CNTNAP5: variants seen among roughly 807,000 people sequenced by gnomAD.
The protein encoded by CNTNAP5 is contactin associated protein family member 5, also known as contactin-associated protein-like 5.
A neutral mutation model predicts 150.2 loss-of-function variants in CNTNAP5; 72 were observed. That is an observed-to-expected ratio of 0.48 (90% CI 0.40 to 0.58). The LOEUF (loss-of-function observed/expected upper bound fraction) is 0.58. Ranked by LOEUF, CNTNAP5 falls within the 20% of genes least tolerant of loss-of-function variation. The pLI, the probability that CNTNAP5 is intolerant of heterozygous loss-of-function variation, is 0.00. For missense variants in CNTNAP5, 1,636 were observed against 1,626.2 expected (o/e 1.01, Z -0.10); for synonymous variants, 672 against 619.8 (o/e 1.08, Z -1.25).
intron 8 of CNTNAP5, 110 bp downstream of exon 8, chr2:124,504,666 A>G (rs1387209665): frequency 9.8e-7 from 1 of 1,020,146 alleles, no homozygotes; most frequent in Non-Finnish European, 1.4e-6. Flanking sequence ...GGGTTAGCCC[A>G]GTATTCACAA....
chr2:124,515,434 G>A (rs1300260297), intron 8 of CNTNAP5, among the ~76,000 whole-genome samples: 1 of 152,222 alleles, frequency 6.6e-6, no homozygotes, highest in Non-Finnish European at 1.5e-5. Context: ...GACAGTGGAT[G>A]CTATAGGAAT....
intron 8 of CNTNAP5, among the ~76,000 whole-genome samples, chr2:124,509,839 T>C (rs1694515685): frequency 6.6e-6 from 1 of 152,218 alleles, no homozygotes; most frequent in Non-Finnish European, 1.5e-5. Flanking sequence ...GGTGGTCTTA[T>C]ACAAGAATAA....
intron 1 of CNTNAP5, among the ~76,000 whole-genome samples, chr2:124,213,585 A>G (rs913289226): frequency 3.9e-5 from 6 of 152,188 alleles, no homozygotes; most frequent in African/African-American, 1.4e-4. Flanking sequence ...AGCTCATTAT[A>G]TTTGTCACAT....
At chr2:124,280,193 T>C (rs1161105330) in intron 3 of CNTNAP5, among the ~76,000 whole-genome samples, 1 of 151,856 alleles carries the variant, frequency 6.6e-6, no homozygotes, top group African/African-American at 2.4e-5. Flanking sequence ...TTTTTTTTTA[T>C]TTTTGAGACA....
At chr2:124,368,902 T>C (rs1690446114) in intron 3 of CNTNAP5, among the ~76,000 whole-genome samples, 2 of 152,212 alleles carry the variant, frequency 1.3e-5, no homozygotes, top group Admixed American at 1.3e-4. Context: ...GCTAAGTGGC[T>C]GGGAACTCAA....
intron 3 of CNTNAP5, among the ~76,000 whole-genome samples, chr2:124,336,014 C>T (rs553981513): frequency 2.0e-5 from 3 of 152,088 alleles, no homozygotes; most frequent in African/African-American, 7.2e-5. Flanking sequence ...GTGGCTGAAG[C>T]TTAAATAACT....
chr2:124,242,509 C>A, intron 3 of CNTNAP5, 116 bp downstream of exon 3: 1 of 984,958 alleles, frequency 1.0e-6, no homozygotes. Flanking sequence ...CTGGTGAGTG[C>A]CCATTAGAAA....
chr2:124,099,940 A>G (rs1171360544), intron 1 of CNTNAP5, among the ~76,000 whole-genome samples: 1 of 152,198 alleles, frequency 6.6e-6, no homozygotes, highest in African/African-American at 2.4e-5. Context: ...CACTTCCAAC[A>G]CTGGAGATGA....
At chr2:124,419,801 T>C (rs937841764) in intron 4 of CNTNAP5, among the ~76,000 whole-genome samples, 1 of 152,042 alleles carries the variant, frequency 6.6e-6, no homozygotes, top group African/African-American at 2.4e-5. Context: ...AACGAATACA[T>C]TTCTCAGTTT....
At chr2:124,491,354 T>C in intron 7 of CNTNAP5, among the ~76,000 whole-genome samples, 1 of 152,156 alleles carries the variant, frequency 6.6e-6, no homozygotes, top group Non-Finnish European at 1.5e-5. Flanking sequence ...TTATTCATGT[T>C]GCCACAAATA....
intron 16 of CNTNAP5, among the ~76,000 whole-genome samples, chr2:124,767,387 T>A (rs540294275): frequency 6.6e-6 from 1 of 152,312 alleles, no homozygotes; most frequent in South Asian, 2.1e-4. Context: ...CAAGTCTTAG[T>A]GAATGTGTTT....
chr2:124,079,014 G>T (rs1415640339), intron 1 of CNTNAP5, among the ~76,000 whole-genome samples: 1 of 152,148 alleles, frequency 6.6e-6, no homozygotes, highest in Admixed American at 6.5e-5. Context: ...GCATGGTGTT[G>T]GATCTAGCAA....
intron 1 of CNTNAP5, among the ~76,000 whole-genome samples, chr2:124,075,238 A>G (rs1682410437): frequency 6.6e-6 from 1 of 152,098 alleles, no homozygotes; most frequent in Admixed American, 6.6e-5. Flanking sequence ...CCTTTTTGTC[A>G]TACAACTTAC....
At chr2:124,708,234 A>G (rs79505699) in intron 13 of CNTNAP5, among the ~76,000 whole-genome samples, 6,333 of 152,248 alleles carry the variant, frequency 0.042, 478 homozygotes, top group African/African-American at 0.15. Context: ...GTCAGTAGGA[A>G]TGGAGGTATC....
intron 8 of CNTNAP5, among the ~76,000 whole-genome samples, chr2:124,506,303 A>G (rs559029719): frequency 9.1e-4 from 138 of 152,244 alleles, no homozygotes; most frequent in African/African-American, 3.3e-3. Context: ...AGATTCCAGG[A>G]GCAAGAAGAT....
intron 12 of CNTNAP5, among the ~76,000 whole-genome samples, chr2:124,618,790 A>G (rs990880524): frequency 3.9e-5 from 6 of 152,302 alleles, no homozygotes; most frequent in Non-Finnish European, 8.8e-5. Context: ...ATTAAAATTC[A>G]TAAGAATTAA....
intron 19 of CNTNAP5, among the ~76,000 whole-genome samples, chr2:124,815,553 G>C (rs1682343718): frequency 2.0e-5 from 3 of 152,110 alleles, no homozygotes; most frequent in Non-Finnish European, 4.4e-5. Flanking sequence ...CAGGTGTATT[G>C]CATCAGTCAT....
chr2:124,756,923 TA>T (rs1470859353), intron 14 of CNTNAP5, among the ~76,000 whole-genome samples: 1 of 151,906 alleles, frequency 6.6e-6, no homozygotes, highest in Admixed American at 6.6e-5. Context: ...CCCCTGAAAT[TA>T]AAAGTTGGAA....
At chr2:124,330,737 A>G (rs1222245050) in intron 3 of CNTNAP5, among the ~76,000 whole-genome samples, 2 of 151,848 alleles carry the variant, frequency 1.3e-5, no homozygotes, top group Non-Finnish European at 1.5e-5. Flanking sequence ...AGAACAGACC[A>G]ATACAAATAA....
Sources: allele counts gnomAD v4.1 joint callset (sites outside exome capture counted in the v4.1 genomes callset), GRCh38; gene constraint gnomAD v4.1.1; transcripts MANE v1.5; gene names NCBI Gene and HGNC (gene_info 2026-07-23, HGNC 2026-07-21).